Variants in VPS50 observed in about 807,000 individuals in gnomAD.
The protein encoded by VPS50 is VPS50 subunit of EARP/GARPII complex.
VPS50 carries 70 observed loss-of-function variants against 139.7 expected under a neutral mutation model. The ratio of observed to expected loss-of-function variants is 0.50; its 90% CI spans 0.41 to 0.61. The LOEUF (loss-of-function observed/expected upper bound fraction) is 0.61. Among genes scored for constraint, VPS50 ranks in the 20% least tolerant of loss-of-function variants. VPS50 has a pLI of 0.00. For missense variants in VPS50, 921 were observed against 1,133.7 expected (o/e 0.81, Z 2.69); for synonymous variants, 365 against 376.7 (o/e 0.97, Z 0.36).
At chr7:93,323,857 C>G in intron 21 of VPS50, 125 bp downstream of exon 21, 1 of 410,690 alleles carries the variant, frequency 2.4e-6, no homozygotes, top group Non-Finnish European at 4.1e-6. Context: ...GCATCAAAAA[C>G]AAAATTATTG....
intron 15 of VPS50, 154 bp downstream of exon 15, chr7:93,296,990 G>A: frequency 7.0e-7 from 1 of 1,436,774 alleles, no homozygotes; most frequent in African/African-American, 1.5e-5. Flanking sequence ...CTGCCCTTTG[G>A]GTGTTTGTAA....
intron 10 of VPS50, among the ~76,000 whole-genome samples, chr7:93,271,882 T>C (rs2116882853): frequency 6.6e-6 from 1 of 151,952 alleles, no homozygotes; most frequent in Non-Finnish European, 1.5e-5. Context: ...AGAGTATTTA[T>C]AAAAGTTGAG....
intron 9 of VPS50, among the ~76,000 whole-genome samples, chr7:93,270,095 A>C (rs1203854687): frequency 6.6e-6 from 1 of 152,008 alleles, no homozygotes; most frequent in Non-Finnish European, 1.5e-5. Context: ...AGTGAGATAA[A>C]ATTCAAATAA....
chr7:93,310,025 G>A lies in VPS50; in HGVS notation c.1748+1083G>A, dbSNP rs143025956. On this transcript the variant is annotated intron_variant, in intron 19 of 27. Coordinates refer to ENST00000305866, the MANE Select transcript of VPS50 (RefSeq NM_017667.4). ...AAAAATTTGTTCTATTGGTTTTTGC[G>A]TATGTATGATATTAAGTGTCAGCAT... is the stretch of plus-strand genomic sequence containing the variant. Among the ~76,000 whole-genome samples the A allele has an allele frequency of 4.9e-4, 74 of 152,034 alleles. No individual in the cohort carries two copies. In the East Asian group the frequency reaches 8.3e-3, roughly 17 times the overall value.
At chr7:93,314,992 C>T (rs1252374195) in intron 20 of VPS50, among the ~76,000 whole-genome samples, 2 of 152,114 alleles carry the variant, frequency 1.3e-5, no homozygotes, top group East Asian at 1.9e-4. Flanking sequence ...TAAGCAGAGC[C>T]CCTGAGCTGC....
intron 19 of VPS50, 21 bp downstream of exon 19, chr7:93,308,963 T>C: frequency 8.1e-7 from 1 of 1,239,594 alleles, no homozygotes; most frequent in Non-Finnish European, 1.2e-6. Context: ...TTAAATTGTG[T>C]GGTATTTAGC....
intron 9 of VPS50, among the ~76,000 whole-genome samples, chr7:93,268,200 C>G (rs4729077): frequency 0.15 from 23,187 of 152,108 alleles, 2,909 homozygotes; most frequent in East Asian, 0.4. Flanking sequence ...GACCCCTGCT[C>G]AGAGCTGTTT....
At chr7:93,321,077 T>G (rs1486199647) in intron 20 of VPS50, 2 of 152,250 alleles carry the variant, frequency 1.3e-5, no homozygotes, top group African/African-American at 4.8e-5. Context: ...GTTTGCATAT[T>G]GTCTGTCTGT....
intron 23 of VPS50, among the ~76,000 whole-genome samples, chr7:93,342,264 T>A (rs1231351035): frequency 2.6e-5 from 4 of 152,226 alleles, no homozygotes; most frequent in Non-Finnish European, 5.9e-5. Flanking sequence ...ACTGTGCTTT[T>A]CCGACGGGCT....
chr7:93,295,530 G>T (rs1459903843), intron 14 of VPS50: 1 of 152,158 alleles, frequency 6.6e-6, no homozygotes, highest in Non-Finnish European at 1.5e-5. Context: ...CTCAGTTGTT[G>T]TAATCAGATA....
In VPS50 at chr7:93,258,307, CTG is replaced by C. The variant is rs1795554276; in HGVS notation, c.540+32_540+33del. On this transcript the variant is annotated intron_variant, in intron 7 of 27. Coordinates refer to ENST00000305866, the MANE Select transcript of VPS50 (RefSeq NM_017667.4). ...TATGGGTCATTTAAAAAAATTAAAA[CTG>C]AATTTTGTGGTTGAAACAGATTTTA... 7 of 1,595,814 alleles carry C rather than the reference CTG, an allele frequency of 4.4e-6. No individual in the cohort carries two copies. The South Asian group carries it at 7.7e-5, about 18-fold the overall frequency.
chr7:93,263,416 T>C (rs540626475), intron 9 of VPS50, among the ~76,000 whole-genome samples: 36 of 152,380 alleles, frequency 2.4e-4, no homozygotes, highest in African/African-American at 8.2e-4. Flanking sequence ...CCCCATGATA[T>C]AGAATATTTC....
chr7:93,281,707 T>C (rs1796331631), intron 12 of VPS50, among the ~76,000 whole-genome samples: 1 of 152,182 alleles, frequency 6.6e-6, no homozygotes, highest in South Asian at 2.1e-4. Context: ...CAATCATTAA[T>C]ATACATTCTC....
intron 23 of VPS50, among the ~76,000 whole-genome samples, chr7:93,345,346 C>T (rs1798359301): frequency 1.3e-5 from 2 of 151,984 alleles, no homozygotes; most frequent in Admixed American, 1.3e-4. Context: ...AATAGCTTAC[C>T]AACGAAAAAG....
intron 12 of VPS50, among the ~76,000 whole-genome samples, chr7:93,283,332 G>A (rs1449379627): frequency 6.6e-6 from 1 of 151,650 alleles, no homozygotes; most frequent in Non-Finnish European, 1.5e-5. Flanking sequence ...CGTTCAACAG[G>A]TTCAAGTGAT....
At chr7:93,316,686 A>T (rs1332982966) in intron 20 of VPS50, among the ~76,000 whole-genome samples, 1 of 152,216 alleles carries the variant, frequency 6.6e-6, no homozygotes, top group Non-Finnish European at 1.5e-5. Flanking sequence ...ATGGTAGGGT[A>T]GACTTTGGAC....
intron 23 of VPS50, among the ~76,000 whole-genome samples, chr7:93,341,815 T>TG (rs1798219853): frequency 1.3e-5 from 2 of 152,230 alleles, no homozygotes; most frequent in Admixed American, 1.3e-4. Context: ...TTTAACAACA[T>TG]GATCCATGCT....
chr7:93,252,865 G>A (rs1334965260), intron 3 of VPS50, 90 bp downstream of exon 3: 1 of 972,198 alleles, frequency 1.0e-6, no homozygotes, highest in African/African-American at 1.7e-5. Context: ...AGGCATTTAT[G>A]TATTTTTGGT....
Position 93,271,200 on chromosome 7 carries a change from G to GTT in VPS50, c.660-7_660-6dup, listed in dbSNP as rs59890424. The stretch of plus-strand genomic sequence containing the variant: ...TTTGTCTCAGAAATAGAAAAAAACT[G>GTT]TTTTTTTTTTTTTTAATAGTGAACT... On this transcript the variant is annotated intron_variant, in intron 9 of 27. Coordinates refer to ENST00000305866, the MANE Select transcript of VPS50 (RefSeq NM_017667.4). 1.3e-3 allele frequency: 1,750 copies of GTT among 1,335,864 alleles called. No homozygotes were observed. The highest frequency in any genetic ancestry group is 8.0e-3 in the African/African-American group (504 of 62,620). The allele number at this position is 1,335,864 out of a possible 1,614,324, so 82.8% of individuals were successfully genotyped here. A position where few individuals can be genotyped will look rare whatever the true frequency, so the allele number is the denominator to read the frequency against.
Sources: gnomAD v4.1 joint callset for allele counts (sites outside exome capture counted in the v4.1 genomes callset) on GRCh38, gnomAD v4.1.1 for gene constraint, MANE v1.5 for transcripts, NCBI Gene and HGNC (gene_info 2026-07-23, HGNC 2026-07-21) for gene names.